Variants in CLSTN3 observed in about 807,000 individuals in gnomAD.
The protein encoded by CLSTN3 is calsyntenin-3.
A neutral mutation model predicts 95.9 loss-of-function variants in CLSTN3; 36 were observed. The observed-to-expected ratio is 0.38, with a 90% confidence interval of 0.29 to 0.50. CLSTN3 has a LOEUF of 0.50. CLSTN3 is among the 20% of genes least tolerant of loss of function. The pLI, the probability that CLSTN3 is intolerant of heterozygous loss-of-function variation, is 0.95. For missense variants in CLSTN3, 1,084 were observed against 1,268.8 expected (o/e 0.85, Z 2.21); for synonymous variants, 481 against 504.0 (o/e 0.95, Z 0.61).
At chr12:7,134,726 C>T (rs1591613762) in intron 3 of CLSTN3, among the ~76,000 whole-genome samples, 2 of 152,340 alleles carry the variant, frequency 1.3e-5, no homozygotes, top group African/African-American at 4.8e-5. Flanking sequence ...CTTGCTTATC[C>T]CCCCGGATCT....
rs778220382 is a variant in CLSTN3, at chr12:7,135,891, G to A, written c.680G>A (p.Arg227Gln). The change falls in exon 5 of 18, where the codon CGG (arginine) becomes CAG (glutamine). Residue 227 changes from arginine to glutamine, a missense_variant. Physicochemically the swap from Arg to Gln is conservative, Grantham distance 43. Coordinates refer to ENST00000266546, the MANE Select transcript of CLSTN3 (RefSeq NM_014718.4). The stretch of plus-strand genomic sequence containing the variant: ...ACAGCTTATGACTGTGGGAAGAAGC[G>A]GGCAGCAGATGATGCTGAGGTGGAG... ...TVTAYDCGKK[R>Q]AADDAEVEIQ... is the part of the protein sequence containing the mutation. 2.6e-5 allele frequency: 42 copies of A among 1,614,078 alleles called. No homozygotes were observed. The highest frequency in any genetic ancestry group is 2.3e-4 in the Admixed American group (14 of 60,010).
At position 7,158,891 on chromosome 12, in the gene CLSTN3, A is replaced by C. The variant is rs1236195274; in HGVS notation, c.*810A>C. On this transcript the variant is annotated 3_prime_UTR_variant, in exon 18 of 18. Transcript: ENST00000266546. ...CAGGGGCGGGGGGTTGGGTGTGGTG[A>C]GGGAGGGGACATATCCTAGGGTTTT... 1 of 122,758 alleles carries C rather than the reference A, an allele frequency of 8.1e-6. No individual in the cohort carries two copies. 7.6% of individuals were successfully genotyped at this position (122,758 alleles called of 1,614,324 possible).
In CLSTN3 at chr12:7,149,104, A is replaced by G. The variant is rs1261447361; in HGVS notation, c.1980A>G (p.Gly660=). 3 of 1,614,074 alleles carry G rather than the reference A, an allele frequency of 1.9e-6. No homozygotes were observed. The highest frequency in any genetic ancestry group is 1.1e-5 in the South Asian group (1 of 91,082). The change falls in exon 13 of 18, where the codon GGA becomes GGG. Residue 660 remains glycine (G), a synonymous_variant. Coordinates refer to ENST00000266546, the MANE Select transcript of CLSTN3 (RefSeq NM_014718.4). This position sits in a 1 kb window ranked among gnomAD's most constrained non-coding sequence, Gnocchi z 4.5. ...CCCGCCCAGCTGTGGACTTTGAGGG[A>G]ACCAACGGCGTCCCTTTGTTCCCTG... is the stretch of plus-strand genomic sequence containing the variant. The part of the protein sequence containing the change: ...HFARPAVDFE[G]TNGVPLFPDL...
chr12:7,130,327 T>C (rs962000495), upstream of CLSTN3: 69 of 1,045,010 alleles, frequency 6.6e-5, 2 homozygotes, highest in South Asian at 1.4e-3. Context: ...AGTCACCTGA[T>C]TGGCCGGCGG....
Position 7,150,377 on chromosome 12 carries a change from A to G in CLSTN3, c.2246-167A>G, listed in dbSNP as rs2135813964. On this transcript the variant is annotated intron_variant, in intron 14 of 17. Coordinates refer to ENST00000266546, the MANE Select transcript of CLSTN3 (RefSeq NM_014718.4). This position sits in a 1 kb window ranked among gnomAD's most constrained non-coding sequence, Gnocchi z 4.0. ...TCCTAGTTAGTCAGAGTGGGCAGGGATGGAGGGGAGCATCCCTCCCTTCGA... is the reference window on the plus strand; with the variant it reads ...TCCTAGTTAGTCAGAGTGGGCAGGGGTGGAGGGGAGCATCCCTCCCTTCGA... 4 of 680,410 alleles carry G rather than the reference A, an allele frequency of 5.9e-6. No homozygotes were observed. The highest frequency in any genetic ancestry group is 9.6e-6 in the Non-Finnish European group (4 of 416,928). 42.1% of individuals were successfully genotyped at this position (680,410 alleles called of 1,614,324 possible). A position where few individuals can be genotyped will look rare whatever the true frequency, so the allele number is the denominator to read the frequency against.
In CLSTN3 at chr12:7,149,322, A is replaced by AACTTACCT; in HGVS notation, c.2074+125_2074+132dup. On this transcript the variant is annotated intron_variant, in intron 13 of 17. Transcript: ENST00000266546. This position sits in a 1 kb window ranked among gnomAD's most constrained non-coding sequence, Gnocchi z 4.5. Reference sequence around the variant, plus strand: ...CCATCCTGTGTTTGTTTGACTGAACAACTTACCTTTAAGAAGGAGAGCAAG... The same window carrying AACTTACCT: ...CCATCCTGTGTTTGTTTGACTGAACAACTTACCTACTTACCTTTAAGAAGGAGAGCAAG... The AACTTACCT allele has an allele frequency of 1.0e-6, 1 of 980,102 alleles. No individual in the cohort carries two copies. 60.7% of individuals were successfully genotyped at this position (980,102 alleles called of 1,614,324 possible). A position where few individuals can be genotyped will look rare whatever the true frequency, so the allele number is the denominator to read the frequency against.
At position 7,158,083 on chromosome 12, in the gene CLSTN3, G is replaced by T; in HGVS notation, c.*2G>T. The T allele has an allele frequency of 1.3e-6, 2 of 1,509,878 alleles. No homozygotes were observed. The highest frequency in any genetic ancestry group is 8.9e-7 in the Non-Finnish European group (1 of 1,121,558). 93.5% of individuals were successfully genotyped at this position (1,509,878 alleles called of 1,614,324 possible). A position where few individuals can be genotyped will look rare whatever the true frequency, so the allele number is the denominator to read the frequency against. ...GAGACCCCCCCACACCGCTACTAAG[G>T]CCTACACCTCTCCCCACGCAGAGGG... On this transcript the variant is annotated 3_prime_UTR_variant, in exon 18 of 18. Coordinates refer to ENST00000266546, the MANE Select transcript of CLSTN3 (RefSeq NM_014718.4).
At position 7,130,924 on chromosome 12, in the gene CLSTN3, A is replaced by G. The variant is rs1056568817; in HGVS notation, c.64+212A>G. On this transcript the variant is annotated intron_variant, in intron 1 of 17. Transcript: ENST00000266546. Reference sequence around the variant, plus strand: ...CTTCCTTTCTGGTCCATCTCTACCCATGCGTTTCTCTTGCTGGTCATCTTG... The same window carrying G: ...CTTCCTTTCTGGTCCATCTCTACCCGTGCGTTTCTCTTGCTGGTCATCTTG... 10 of 609,142 alleles carry G rather than the reference A, an allele frequency of 1.6e-5. No homozygotes were observed. In the Admixed American group the frequency reaches 2.5e-4, roughly 15 times the overall value. 37.7% of individuals were successfully genotyped at this position (609,142 alleles called of 1,614,324 possible).
Position 7,133,200 on chromosome 12 carries a change from G to C in CLSTN3, c.187+54G>C. 2.6e-6 allele frequency: 4 copies of C among 1,543,796 alleles called. No homozygotes were observed. Among genetic ancestry groups the C allele is most frequent in the Non-Finnish European group, 3.5e-6 (4 of 1,126,962 alleles). ...GGGTAGGACAGAGAAAAGTGGGTGG[G>C]AGGGCCAAGAGCAAGGGAGGGAGGG... On this transcript the variant is annotated intron_variant, in intron 2 of 17. Transcript: ENST00000266546. This position sits in a 1 kb window ranked among gnomAD's most constrained non-coding sequence, Gnocchi z 4.7.
chr12:7,154,982 G>A (rs1043434802), intron 16 of CLSTN3, among the ~76,000 whole-genome samples: 2 of 152,196 alleles, frequency 1.3e-5, no homozygotes, highest in South Asian at 4.1e-4. Context: ...AGTTCTGAGA[G>A]CCGTGATAGG....
chr12:7,151,049 C>T lies in CLSTN3; in HGVS notation c.2513C>T (p.Ser838Phe), dbSNP rs1939716116. The T allele has an allele frequency of 6.2e-7, 1 of 1,602,292 alleles. No individual in the cohort carries two copies. The highest frequency in any genetic ancestry group is 1.1e-5 in the South Asian group (1 of 89,444). Residue 838 changes from serine to phenylalanine, a missense_variant, in exon 16 of 18, where the codon TCC (serine) becomes TTC (phenylalanine). Coordinates refer to ENST00000266546, the MANE Select transcript of CLSTN3 (RefSeq NM_014718.4). Reference protein sequence around the residue: ...PEMAGHSLASSHRNSMIPSAA... With the variant: ...PEMAGHSLASFHRNSMIPSAA... Reference sequence around the variant, plus strand: ...ATGGCTGGACACAGCCTAGCCAGCTCCCACAGAAACTCCAGTACGTAAGCC... The same window carrying T: ...ATGGCTGGACACAGCCTAGCCAGCTTCCACAGAAACTCCAGTACGTAAGCC...
chr12:7,154,106 G>C (rs899531509), intron 16 of CLSTN3, among the ~76,000 whole-genome samples: 2 of 152,210 alleles, frequency 1.3e-5, no homozygotes, highest in Non-Finnish European at 1.5e-5. Context: ...GCTTCCCTGA[G>C]GGCACTGGTG....
intron 10 of CLSTN3, among the ~76,000 whole-genome samples, chr12:7,142,522 C>G (rs896131811): frequency 6.6e-6 from 1 of 151,880 alleles, no homozygotes; most frequent in Non-Finnish European, 1.5e-5. Context: ...GCCGCCTCCC[C>G]CTCCCTCCTT....
intron 8 of CLSTN3, among the ~76,000 whole-genome samples, chr12:7,139,435 G>A (rs911316389): frequency 3.3e-5 from 5 of 152,144 alleles, no homozygotes; most frequent in African/African-American, 7.2e-5. Context: ...AGCTCAGCAT[G>A]TTCCAAGCAT....
chr12:7,135,735 A>G (rs1939400022), intron 4 of CLSTN3, 69 bp from the exon 5 acceptor site: 5 of 1,529,036 alleles, frequency 3.3e-6, no homozygotes, highest in East Asian at 4.5e-5. Flanking sequence ...ATGATCTCAG[A>G]CATCCTCCCC....
rs368707350 is a variant in CLSTN3, at chr12:7,137,959, C to T, written c.1215C>T (p.Asp405=). The T allele has an allele frequency of 4.3e-5, 70 of 1,613,414 alleles. No individual in the cohort carries two copies. Among genetic ancestry groups the T allele is most frequent in the African/African-American group, 2.8e-4 (21 of 74,858 alleles). Residue 405 remains aspartate, a synonymous_variant, in exon 8 of 18, where the codon GAC becomes GAT. Coordinates refer to ENST00000266546, the MANE Select transcript of CLSTN3 (RefSeq NM_014718.4). This position sits in a 1 kb window ranked among gnomAD's most constrained non-coding sequence, Gnocchi z 4.4. ...ATCCCCTTCCTGTGCCCTCAGAGGA[C>T]GGCTTCTCTCACTACTCGCTGACTG... ...TIVCNTVQNE[D]GFSHYSLTVH...
chr12:7,136,564 A>G (rs7971066), intron 6 of CLSTN3, among the ~76,000 whole-genome samples, 173 bp downstream of exon 6: 12,598 of 152,280 alleles, frequency 0.083, 581 homozygotes, highest in South Asian at 0.22. Flanking sequence ...TGTCTTTGGC[A>G]AAGATGCATA....
Position 7,150,424 on chromosome 12 carries a change from A to G in CLSTN3, c.2246-120A>G. 2 of 1,221,010 alleles carry G rather than the reference A, an allele frequency of 1.6e-6. No homozygotes were observed. The highest frequency in any genetic ancestry group is 2.2e-6 in the Non-Finnish European group (2 of 893,940). The allele number at this position is 1,221,010 out of a possible 1,614,324, so 75.6% of individuals were successfully genotyped here. A position where few individuals can be genotyped will look rare whatever the true frequency, so the allele number is the denominator to read the frequency against. On this transcript the variant is annotated intron_variant, in intron 14 of 17. Transcript: ENST00000266546. The surrounding 1 kb of genome is among the most constrained non-coding windows in gnomAD (Gnocchi z 4.0). ...TCGACCTCAGGTCGCACTTCTGCGG[A>G]GATGGGGCTGACCTGCTCTACAGCT...
Position 7,157,826 on chromosome 12 carries a change from G to T in CLSTN3, c.2731-115G>T. 3 of 1,501,496 alleles carry T rather than the reference G, an allele frequency of 2.0e-6. No individual in the cohort carries two copies. The highest frequency in any genetic ancestry group is 2.7e-6 in the Non-Finnish European group (3 of 1,117,576). The allele number at this position is 1,501,496 out of a possible 1,614,324, so 93.0% of individuals were successfully genotyped here. ...GTGAGCCGGAGGGAGAGAGGTTCAG[G>T]CAGGGAAGGGGGTACACAGGGGTTA... On this transcript the variant is annotated intron_variant, in intron 17 of 17. Transcript: ENST00000266546. The surrounding 1 kb of genome is among the most constrained non-coding windows in gnomAD (Gnocchi z 5.9).
Sources: gnomAD v4.1 joint callset for allele counts (sites outside exome capture counted in the v4.1 genomes callset) on GRCh38, gnomAD v4.1.1 for gene constraint, Gnocchi (gnomAD v3.1) non-coding constraint, MANE v1.5 for transcripts, NCBI Gene and HGNC (gene_info 2026-07-23, HGNC 2026-07-21) for gene names.